CXCR4: variants seen among roughly 807,000 people sequenced by gnomAD.
CXCR4 encodes C-X-C motif chemokine receptor 4.
A neutral mutation model predicts 22.4 loss-of-function variants in CXCR4; 6 were observed. The observed-to-expected ratio is 0.27, with a 90% CI of 0.15 to 0.53. The LOEUF is 0.53. Ranked by LOEUF, CXCR4 falls within the 20% of genes least tolerant of loss-of-function variation. CXCR4 has a pLI of 0.96. For missense variants in CXCR4, 300 were observed against 430.4 expected (o/e 0.70, Z 2.68); for synonymous variants, 155 against 171.7 (o/e 0.90, Z 0.76).
In CXCR4 at chr2:136,115,155, C is replaced by G; in HGVS notation, c.773G>C (p.Gly258Ala). The change falls in exon 2 of 2, where the codon GGG (glycine) becomes GCG (alanine). Residue 258 changes from glycine to alanine, a missense_variant. Physicochemically the swap from Gly to Ala is moderately conservative, Grantham distance 60. This residue lies in a region of CXCR4 where 137 missense variants were observed against 153.2 expected (regional missense o/e 0.89). Transcript: ENST00000241393. This position sits in a 1 kb window ranked among gnomAD's most constrained non-coding sequence, Gnocchi z 6.4. ...FFACWLPYYI[G>A]ISIDSFILLE... ...GAGGATGAAGGAGTCGATGCTGATC[C>G]CAATGTAGTAAGGCAGCCAACAGGC... 6.2e-7 allele frequency: 1 copy of G among 1,614,150 alleles called. No individual in the cohort carries two copies. The highest frequency in any genetic ancestry group is 8.5e-7 in the Non-Finnish European group (1 of 1,180,032).
At chr2:136,117,944 T>A in intron 1 of CXCR4, 102 bp downstream of exon 1, 2 of 922,150 alleles carry the variant, frequency 2.2e-6, no homozygotes, top group South Asian at 1.3e-5. Flanking sequence ...GGAGTACGGG[T>A]ACCTCCAATG....
rs1481575745 is a variant in CXCR4, at chr2:136,115,726, T to G, written c.202A>C (p.Lys68Gln). ...TACTTGTCCGTCATGCTTCTCAGTT[T>G]CTTCTGGTAACCCATGACCAGGATG... ...LVILVMGYQK[K>Q]LRSMTDKYRL... Residue 68 changes from lysine to glutamine, a missense_variant, in exon 2 of 2, where the codon AAA (lysine) becomes CAA (glutamine). Coordinates refer to ENST00000241393, the MANE Select transcript of CXCR4 (RefSeq NM_003467.3). This position sits in a 1 kb window ranked among gnomAD's most constrained non-coding sequence, Gnocchi z 6.4. 6.2e-7 allele frequency: 1 copy of G among 1,614,208 alleles called. No individual in the cohort carries two copies.
chr2:136,116,298 T>C, intron 1 of CXCR4: 1 of 1,036,804 alleles, frequency 9.6e-7, no homozygotes, highest in South Asian at 2.6e-5. Flanking sequence ...CCAGGCGGCG[T>C]GGGGGGTGGG....
rs1299134173 is a variant in CXCR4 at position 136,114,878 on chromosome 2, G to C, written c.1050C>G (p.His350Gln). Residue 350 changes from histidine (H) to glutamine (Q), a missense_variant, in exon 2 of 2, where the codon CAC (histidine) becomes CAG (glutamine). Around this residue, in one of 3 missense-constraint regions of CXCR4, gnomAD observed 45 missense variants for 89.1 expected, o/e 0.51. Transcript: ENST00000241393. ...GTCTTTTACATCTGTGTTAGCTGGA[G>C]TGAAAACTTGAAGACTCAGACTCAG... ...VSTESESSSFHSS is the reference protein window; with the variant it reads ...VSTESESSSFQSS 1 of 1,607,956 alleles carries C rather than the reference G, an allele frequency of 6.2e-7. No homozygotes were observed. The highest frequency in any genetic ancestry group is 2.2e-5 in the East Asian group (1 of 44,698).
chr2:136,115,031 G>A lies in CXCR4; in HGVS notation c.897C>T (p.Pro299=). The A allele has an allele frequency of 6.2e-7, 1 of 1,614,182 alleles. No homozygotes were observed. The highest frequency in any genetic ancestry group is 8.5e-7 in the Non-Finnish European group (1 of 1,180,036). ...ALAFFHCCLN[P]ILYAFLGAKF... ...TGGCTCCAAGGAAAGCATAGAGGAT[G>A]GGGTTCAGACAACAGTGGAAGAAAG... is the stretch of plus-strand genomic sequence containing the variant. Residue 299 remains proline (P), a synonymous_variant, in exon 2 of 2, where the codon CCC becomes CCT. Coordinates refer to ENST00000241393, the MANE Select transcript of CXCR4 (RefSeq NM_003467.3). The surrounding 1 kb of genome is among the most constrained non-coding windows in gnomAD (Gnocchi z 6.4).
chr2:136,116,199 C>A, intron 1 of CXCR4: 1 of 1,336,312 alleles, frequency 7.5e-7, no homozygotes, highest in South Asian at 1.6e-5. Context: ...AAAGTCACAT[C>A]TTGGCTAACT....
At chr2:136,117,350 G>A (rs915252768) in intron 1 of CXCR4, among the ~76,000 whole-genome samples, 3 of 186 alleles carry the variant, frequency 0.016, no homozygotes, top group Non-Finnish European at 0.033. Context: ...TTCGGACGGC[G>A]GGAAGGTTTT....
At position 136,115,144 on chromosome 2, in the gene CXCR4, C is replaced by T. The variant is rs1275022868; in HGVS notation, c.784G>A (p.Asp262Asn). The T allele has an allele frequency of 1.9e-6, 3 of 1,613,986 alleles. No homozygotes were observed. The highest frequency in any genetic ancestry group is 2.2e-5 in the East Asian group (1 of 44,876). Residue 262 changes from aspartate to asparagine, a missense_variant, in exon 2 of 2, where the codon GAC becomes AAC. By Grantham distance (23) the Asp-to-Asn change is conservative. This residue lies in a region of CXCR4 where 137 missense variants were observed against 153.2 expected (regional missense o/e 0.89). Transcript: ENST00000241393. The surrounding 1 kb of genome is among the most constrained non-coding windows in gnomAD (Gnocchi z 6.4). ...ATGATTTCCAGGAGGATGAAGGAGT[C>T]GATGCTGATCCCAATGTAGTAAGGC... ...WLPYYIGISI[D>N]SFILLEIIKQ...
chr2:136,116,302 G>T, intron 1 of CXCR4: 1 of 1,049,330 alleles, frequency 9.5e-7, no homozygotes, highest in Non-Finnish European at 1.2e-6. Context: ...GCGGCGTGGG[G>T]GGTGGGGTGG....
rs17848059 is a variant in CXCR4 at position 136,114,840 on chromosome 2, C to T, written c.*29G>A. On this transcript the variant is annotated 3_prime_UTR_variant, in exon 2 of 2. Transcript: ENST00000241393. Reference sequence around the variant, plus strand: ...TGTAACTTAAAAAAAAGTTATTTATCGTATAAAAAAAAGTCTTTTACATCT... The same window carrying T: ...TGTAACTTAAAAAAAAGTTATTTATTGTATAAAAAAAAGTCTTTTACATCT... 1,387 of 1,555,434 alleles carry T rather than the reference C, an allele frequency of 8.9e-4. 9 individuals carry two copies. The African/African-American group carries it at 0.017, about 19-fold the overall frequency.
At chr2:136,117,587 C>G (rs1684946954) in intron 1 of CXCR4, 1 of 164,338 alleles carries the variant, frequency 6.1e-6, no homozygotes, top group Middle Eastern at 3.0e-3. Context: ...GCGCAATCTC[C>G]TCCTGGGAAC....
intron 1 of CXCR4, chr2:136,117,581 A>G (rs955036975): frequency 6.2e-6 from 1 of 160,770 alleles, no homozygotes; most frequent in African/African-American, 2.4e-5. Flanking sequence ...AAGCGGGCGC[A>G]ATCTCCTCCT....
rs980819182 is a variant in CXCR4, at chr2:136,117,877, C to T, written c.15+169G>A. ...AAAGATTCCAATCCTGCTCCCCCCC[C>T]ACCCACCCGCACTATATAGGCATGG... On this transcript the variant is annotated intron_variant, in intron 1 of 1. Coordinates refer to ENST00000241393, the MANE Select transcript of CXCR4 (RefSeq NM_003467.3). 4 of 144,142 alleles carry T rather than the reference C, an allele frequency of 2.8e-5. 1 individual carries two copies. Among genetic ancestry groups the T allele is most frequent in the African/African-American group, 5.1e-5 (2 of 39,294 alleles). The allele number at this position is 144,142 out of a possible 1,614,324, so 8.9% of individuals were successfully genotyped here.
chr2:136,116,578 A>T (rs1434964208), intron 1 of CXCR4, among the ~76,000 whole-genome samples: 1 of 152,164 alleles, frequency 6.6e-6, no homozygotes, highest in Non-Finnish European at 1.5e-5. Context: ...TCAGAAAATG[A>T]ACAAACGGCA....
chr2:136,116,396 G>C (rs1684891980), intron 1 of CXCR4, among the ~76,000 whole-genome samples: 1 of 151,986 alleles, frequency 6.6e-6, no homozygotes, highest in Non-Finnish European at 1.5e-5. Flanking sequence ...AGGATCACGG[G>C]GGGAGGGCGG....
At position 136,115,702 on chromosome 2, in the gene CXCR4, A is replaced by G; in HGVS notation, c.226T>C (p.Tyr76His). Residue 76 changes from tyrosine to histidine, a missense_variant, in exon 2 of 2, where the codon TAC (tyrosine) becomes CAC (histidine). Tyr to His is a moderately conservative substitution (Grantham distance 83, BLOSUM62 2). This residue lies in a region of CXCR4 where 118 missense variants were observed against 188.2 expected (regional missense o/e 0.63). Transcript: ENST00000241393. The surrounding 1 kb of genome is among the most constrained non-coding windows in gnomAD (Gnocchi z 6.4). Reference sequence around the variant, plus strand: ...TCGGCCACTGACAGGTGCAGCCTGTACTTGTCCGTCATGCTTCTCAGTTTC... The same window carrying G: ...TCGGCCACTGACAGGTGCAGCCTGTGCTTGTCCGTCATGCTTCTCAGTTTC... The part of the protein sequence containing the change: ...QKKLRSMTDK[Y>H]RLHLSVADLL... 6.2e-7 allele frequency: 1 copy of G among 1,614,240 alleles called. No individual in the cohort carries two copies. The highest frequency in any genetic ancestry group is 8.5e-7 in the Non-Finnish European group (1 of 1,180,040).
chr2:136,118,136 G>A lies in CXCR4; in HGVS notation c.-76C>T, dbSNP rs1573617403. The A allele has an allele frequency of 4.0e-6, 6 of 1,489,048 alleles. No homozygotes were observed. The East Asian group carries it at 9.1e-5, about 23-fold the overall frequency. 92.2% of individuals were successfully genotyped at this position (1,489,048 alleles called of 1,614,324 possible). A position where few individuals can be genotyped will look rare whatever the true frequency, so the allele number is the denominator to read the frequency against. On this transcript the variant is annotated 5_prime_UTR_variant, in exon 1 of 2. Coordinates refer to ENST00000241393, the MANE Select transcript of CXCR4 (RefSeq NM_003467.3). ...CGGCGTCACTTTGCTACCTGCTGCC[G>A]CAGCCAACAAACTGAAGTTTCTGGC...
At chr2:136,117,736 A>G (rs556560104) in intron 1 of CXCR4, 2 of 340,804 alleles carry the variant, frequency 5.9e-6, no homozygotes, top group African/African-American at 2.2e-5. Context: ...TGTGCACAGA[A>G]TGTTCTTACG....
chr2:136,117,778 G>A (rs1684956679), intron 1 of CXCR4: 3 of 468,940 alleles, frequency 6.4e-6, no homozygotes, highest in African/African-American at 4.1e-5. Flanking sequence ...GCCGCGCGCG[G>A]CGGGACTCAA....
Sources: allele counts gnomAD v4.1 joint callset (sites outside exome capture counted in the v4.1 genomes callset), GRCh38; gene constraint gnomAD v4.1.1; regional missense constraint gnomAD v4.1.1; non-coding constraint Gnocchi (gnomAD v3.1); transcripts MANE v1.5; gene names NCBI Gene and HGNC (gene_info 2026-07-23, HGNC 2026-07-21).